The following CCNF variants were observed in gnomAD, a reference collection of about 807,000 sequenced individuals.
CCNF encodes the protein cyclin F.
A neutral mutation model predicts 85.4 loss-of-function variants in CCNF; 30 were observed. The ratio of observed to expected loss-of-function variants is 0.35; its 90% CI spans 0.26 to 0.48. The LOEUF (loss-of-function observed/expected upper bound fraction) is 0.48. Ranked by LOEUF, CCNF falls within the 20% of genes least tolerant of loss-of-function variation. The pLI is 0.99. For synonymous variants in CCNF, 439 were observed against 425.1 expected, an observed-to-expected ratio of 1.03 and a Z score of -0.40; for missense variants, 919 against 1,010.4, an observed-to-expected ratio of 0.91 and a Z score of 1.23.
At position 2,453,146 on chromosome 16, in the gene CCNF, G is replaced by A. The variant is rs1249254983; in HGVS notation, c.1488-64G>A. ...TTGCATTCTCATTGCTCACTTCAGT[G>A]AACTGAAGCTAAAAATGGGGTGGGG... On this transcript the variant is annotated intron_variant, in intron 13 of 16. Transcript: ENST00000397066. The surrounding 1 kb of genome is among the most constrained non-coding windows in gnomAD (Gnocchi z 5.6). The A allele has an allele frequency of 5.8e-6, 8 of 1,387,040 alleles. No homozygotes were observed. The highest frequency in any genetic ancestry group is 6.2e-6 in the Non-Finnish European group (6 of 974,188). 85.9% of individuals were successfully genotyped at this position (1,387,040 alleles called of 1,614,324 possible). A position where few individuals can be genotyped will look rare whatever the true frequency, so the allele number is the denominator to read the frequency against.
intron 3 of CCNF, among the ~76,000 whole-genome samples, chr16:2,433,735 G>A (rs1051776908): frequency 2.6e-5 from 4 of 152,142 alleles, no homozygotes; most frequent in Non-Finnish European, 5.9e-5. Flanking sequence ...ACAGGCACGC[G>A]CTACCACGCC....
At chr16:2,436,591 G>A (rs1470571043) in intron 4 of CCNF, 3 of 152,222 alleles carry the variant, frequency 2.0e-5, no homozygotes. Context: ...CCCTCCTCCA[G>A]AATCAGGGGA....
intron 6 of CCNF, 74 bp downstream of exon 6, chr16:2,438,197 C>A: frequency 1.7e-6 from 2 of 1,165,818 alleles, no homozygotes; most frequent in Non-Finnish European, 2.6e-6. Flanking sequence ...AACTGAAAAG[C>A]AGCAGAAGGG....
intron 10 of CCNF, among the ~76,000 whole-genome samples, chr16:2,447,818 C>A (rs1380006041): frequency 1.3e-5 from 2 of 152,266 alleles, no homozygotes; most frequent in South Asian, 2.1e-4. Context: ...GCCCTGCCCC[C>A]ACCAGCCATC....
intron 6 of CCNF, among the ~76,000 whole-genome samples, chr16:2,438,501 C>T (rs929464142): frequency 3.3e-5 from 5 of 151,848 alleles, no homozygotes; most frequent in Non-Finnish European, 5.9e-5. Flanking sequence ...ATTAGCTGGG[C>T]GTGGTGGCGG....
chr16:2,449,767 G>A (rs117095504), intron 12 of CCNF, 61 bp from the exon 13 acceptor site: 50 of 605,240 alleles, frequency 8.3e-5, no homozygotes, highest in African/African-American at 3.2e-4. Context: ...CAGCCCCTCC[G>A]TCCCCTCCAT....
At chr16:2,454,037 C>G (rs538045327) in intron 15 of CCNF, among the ~76,000 whole-genome samples, 35 of 152,188 alleles carry the variant, frequency 2.3e-4, no homozygotes, top group South Asian at 8.3e-4. Context: ...TGGAGAACTC[C>G]TACTGATTCC....
chr16:2,455,549 G>A lies in CCNF; in HGVS notation c.1870G>A (p.Glu624Lys), dbSNP rs771621178. 25 of 1,597,132 alleles carry A rather than the reference G, an allele frequency of 1.6e-5. No homozygotes were observed. Among genetic ancestry groups the A allele is most frequent in the Non-Finnish European group, 1.9e-5 (22 of 1,166,358 alleles). Residue 624 changes from glutamate to lysine, a missense_variant, in exon 16 of 17, where the codon GAG (glutamate) becomes AAG (lysine). This residue lies in a region of CCNF where 505 missense variants were observed against 514.8 expected (regional missense o/e 0.98). Transcript: ENST00000397066. ...TGAAGGCGACCAGGAGAGTGAGGGC[G>A]AGAAGGAGGGCGACGGTGAGTGTGG... ...GYEGDQESEG[E>K]KEGDVTAPSG...
chr16:2,443,086 A>C (rs1224279693), intron 8 of CCNF, among the ~76,000 whole-genome samples: 1 of 43,948 alleles, frequency 2.3e-5, no homozygotes, highest in Admixed American at 3.6e-4. Context: ...GATATATTAT[A>C]TATAATAGAT....
rs181508506 is a variant in CCNF, at chr16:2,433,648, G to A, written c.278+581G>A. Among the ~76,000 whole-genome samples the A allele has an allele frequency of 6.6e-5, 10 of 152,264 alleles. No individual in the cohort carries two copies. The East Asian group carries it at 1.7e-3, about 26-fold the overall frequency. ...TGTCACCAGGCTGGAGTGCAGTGGT[G>A]CAATCTCAGCTCACTGCAACCACCA... On this transcript the variant is annotated intron_variant, in intron 3 of 16. Transcript: ENST00000397066.
At chr16:2,443,875 C>G in intron 9 of CCNF, 75 bp downstream of exon 9, 2 of 1,415,172 alleles carry the variant, frequency 1.4e-6, no homozygotes, top group South Asian at 2.4e-5. Context: ...GCCCTTTCCA[C>G]TTAACCCCAG....
At chr16:2,440,270 C>T (rs1220380929) in intron 8 of CCNF, among the ~76,000 whole-genome samples, 2 of 152,118 alleles carry the variant, frequency 1.3e-5, no homozygotes, top group South Asian at 2.1e-4. Context: ...ACCAAGTCAT[C>T]CAGGGCTACA....
chr16:2,438,298 C>G (rs928676876), intron 6 of CCNF, among the ~76,000 whole-genome samples, 175 bp downstream of exon 6: 7 of 152,156 alleles, frequency 4.6e-5, no homozygotes, highest in African/African-American at 1.7e-4. Flanking sequence ...GCCACGGGCT[C>G]CGATCCTGGC....
At position 2,435,726 on chromosome 16, in the gene CCNF, C is replaced by A. The variant is rs1346931288; in HGVS notation, c.279-80C>A. 3 of 818,440 alleles carry A rather than the reference C, an allele frequency of 3.7e-6. No homozygotes were observed. The African/African-American group carries it at 5.0e-5, about 14-fold the overall frequency. The allele number at this position is 818,440 out of a possible 1,614,324, so 50.7% of individuals were successfully genotyped here. A position where few individuals can be genotyped will look rare whatever the true frequency, so the allele number is the denominator to read the frequency against. On this transcript the variant is annotated intron_variant, in intron 3 of 16. Transcript: ENST00000397066. ...ATATTCAATTCAGGGAACAAGTATT[C>A]TGACTTCTTCAAGTGCTGTAGTAGT... is the stretch of plus-strand genomic sequence containing the variant.
chr16:2,443,268 G>T (rs2065342615), intron 8 of CCNF, among the ~76,000 whole-genome samples: 1 of 149,294 alleles, frequency 6.7e-6, no homozygotes, highest in South Asian at 2.1e-4. Flanking sequence ...GTGTTTGCTG[G>T]GATGAAGCTG....
At chr16:2,441,615 C>A (rs144374996) in intron 8 of CCNF, among the ~76,000 whole-genome samples, 61 of 151,728 alleles carry the variant, frequency 4.0e-4, no homozygotes, top group African/African-American at 1.2e-3. Context: ...CTCACTGCAA[C>A]CTCTGACGCC....
Position 2,437,133 on chromosome 16 carries a change from T to G in CCNF, c.351T>G (p.Ser117=). 6.3e-7 allele frequency: 1 copy of G among 1,590,146 alleles called. No individual in the cohort carries two copies. ...GIAYLYNEGL[S]VSDEARAEVN... ...CTGTCCTGTCTGTCCCCGCAGTGTC[T>G]GTGTCTGATGAGGCCCGCGCAGAAG... Residue 117 remains serine (S), a synonymous_variant, in exon 5 of 17, where the codon TCT becomes TCG. Transcript: ENST00000397066.
chr16:2,439,430 C>T lies in CCNF; in HGVS notation c.672C>T (p.Leu224=). The change falls in exon 7 of 17, where the codon CTC becomes CTT. Residue 224 remains leucine, a synonymous_variant. Transcript: ENST00000397066. The part of the protein sequence containing the change: ...AHQGCLTSSY[L]LWESDRRTDV... Reference sequence around the variant, plus strand: ...AGGGATGTCTGACCAGCTCCTACCTCCTCTGGGAAAGCGACAGGAGGACAG... The same window carrying T: ...AGGGATGTCTGACCAGCTCCTACCTTCTCTGGGAAAGCGACAGGAGGACAG... 6.2e-7 allele frequency: 1 copy of T among 1,610,980 alleles called. No homozygotes were observed. The highest frequency in any genetic ancestry group is 8.5e-7 in the Non-Finnish European group (1 of 1,179,010).
intron 2 of CCNF, among the ~76,000 whole-genome samples, chr16:2,431,620 C>T (rs2141812606): frequency 7.2e-6 from 1 of 139,608 alleles, no homozygotes; most frequent in Non-Finnish European, 1.5e-5. Context: ...GCAGAGCTTG[C>T]AGTGAGCCGA....
Sources: gnomAD v4.1 joint callset for allele counts (sites outside exome capture counted in the v4.1 genomes callset) on GRCh38, gnomAD v4.1.1 for gene constraint, gnomAD v4.1.1 regional missense constraint, Gnocchi (gnomAD v3.1) non-coding constraint, MANE v1.5 for transcripts, NCBI Gene and HGNC (gene_info 2026-07-23, HGNC 2026-07-21) for gene names.